CDK14: variants seen among roughly 807,000 people sequenced by gnomAD.
CDK14 encodes cyclin dependent kinase 14, also known as cyclin-dependent kinase 14.
A neutral mutation model predicts 60.7 loss-of-function variants in CDK14; 34 were observed. The observed-to-expected ratio is 0.56, with a 90% CI of 0.43 to 0.75. CDK14 has a LOEUF of 0.75. CDK14 is among the 30% of genes least tolerant of loss of function. The probability of loss-of-function intolerance (pLI) is 0.00; values close to 1 mark genes in which losing one functional copy is unlikely to be tolerated. For synonymous variants in CDK14, 197 were observed against 203.7 expected, an observed-to-expected ratio of 0.97 and a Z score of 0.28; for missense variants, 482 against 564.1, an observed-to-expected ratio of 0.85 and a Z score of 1.47.
At chr7:91,132,512 G>C (rs1800149749) in intron 14 of CDK14, among the ~76,000 whole-genome samples, 1 of 152,140 alleles carries the variant, frequency 6.6e-6, no homozygotes, top group Non-Finnish European at 1.5e-5. Context: ...TGACTTCCTG[G>C]TCACAGACAG....
chr7:90,940,737 G>T (rs574172777), intron 8 of CDK14, among the ~76,000 whole-genome samples: 2 of 152,068 alleles, frequency 1.3e-5, no homozygotes, highest in East Asian at 3.9e-4. Flanking sequence ...AGTGAGCTGT[G>T]ATTGTGCCAC....
At chr7:90,679,744 C>T (rs145437115) in intron 2 of CDK14, among the ~76,000 whole-genome samples, 49 of 152,284 alleles carry the variant, frequency 3.2e-4, no homozygotes, top group African/African-American at 1.2e-3. Flanking sequence ...CTTAGCAAAT[C>T]AATCAATTTT....
At chr7:90,949,009 G>A (rs1794177850) in intron 8 of CDK14, among the ~76,000 whole-genome samples, 1 of 151,984 alleles carries the variant, frequency 6.6e-6, no homozygotes, top group Non-Finnish European at 1.5e-5. Context: ...TTATTTCCCA[G>A]AAAACCATAT....
At chr7:90,600,916 C>T (rs1022431435) in intron 1 of CDK14, among the ~76,000 whole-genome samples, 3 of 152,228 alleles carry the variant, frequency 2.0e-5, no homozygotes, top group African/African-American at 7.2e-5. Flanking sequence ...AGATATTGTT[C>T]TGACAGTCAG....
At chr7:91,197,830 C>T (rs188208049) in intron 14 of CDK14, among the ~76,000 whole-genome samples, 1 of 152,248 alleles carries the variant, frequency 6.6e-6, no homozygotes, top group Admixed American at 6.5e-5. Context: ...GGTGGGATAA[C>T]TAGTATCAAA....
chr7:90,928,389 A>T (rs1218574508), intron 8 of CDK14, among the ~76,000 whole-genome samples: 1 of 152,152 alleles, frequency 6.6e-6, no homozygotes, highest in South Asian at 2.1e-4. Flanking sequence ...GGTGACGTAC[A>T]GATGGGGTTT....
At chr7:91,157,777 G>T (rs1002591885) in intron 14 of CDK14, among the ~76,000 whole-genome samples, 2 of 152,172 alleles carry the variant, frequency 1.3e-5, no homozygotes, top group African/African-American at 4.8e-5. Flanking sequence ...CTCATTTGCT[G>T]ACCTTGCAGG....
intron 11 of CDK14, among the ~76,000 whole-genome samples, chr7:91,061,711 A>G (rs1797795942): frequency 6.6e-6 from 1 of 152,226 alleles, no homozygotes; most frequent in African/African-American, 2.4e-5. Context: ...GCTGCAGAAC[A>G]GCGGATATTG....
chr7:90,974,149 A>G (rs950795380), intron 9 of CDK14, among the ~76,000 whole-genome samples: 4 of 152,120 alleles, frequency 2.6e-5, no homozygotes, highest in Admixed American at 1.3e-4. Context: ...TATTCACATA[A>G]CCATCTATAG....
At chr7:91,057,273 T>C (rs1562885897) in intron 11 of CDK14, among the ~76,000 whole-genome samples, 2 of 152,290 alleles carry the variant, frequency 1.3e-5, no homozygotes, top group Non-Finnish European at 1.5e-5. Context: ...TCTTGTAAAT[T>C]TGTTTGAGTT....
At chr7:91,066,248 G>A (rs993152219) in intron 11 of CDK14, among the ~76,000 whole-genome samples, 2 of 152,244 alleles carry the variant, frequency 1.3e-5, no homozygotes, top group African/African-American at 2.4e-5. Flanking sequence ...ACTAATGCTT[G>A]TTCCATGGTA....
intron 2 of CDK14, among the ~76,000 whole-genome samples, chr7:90,706,043 C>T (rs1473189505): frequency 6.6e-6 from 1 of 152,110 alleles, no homozygotes; most frequent in Non-Finnish European, 1.5e-5. Flanking sequence ...CAAAAATGAC[C>T]TAGTAGATGT....
chr7:90,598,705 T>TTTGTTG (rs371926896), intron 1 of CDK14, among the ~76,000 whole-genome samples: 3 of 5,256 alleles, frequency 5.7e-4, no homozygotes, highest in African/African-American at 3.2e-3. Context: ...TATCTAAGGA[T>TTTGTTG]TTTTTTTTTT....
chr7:91,158,169 T>G (rs1247992051), intron 14 of CDK14, among the ~76,000 whole-genome samples: 1 of 148,164 alleles, frequency 6.7e-6, no homozygotes, highest in Non-Finnish European at 1.5e-5. Context: ...AAATATATTA[T>G]ACATTAAATA....
intron 12 of CDK14, among the ~76,000 whole-genome samples, chr7:91,096,073 A>AAAAAAAAT (rs1798979630): frequency 6.7e-6 from 1 of 149,892 alleles, no homozygotes; most frequent in African/African-American, 2.4e-5. Context: ...GCCAAAAAAA[A>AAAAAAAAT]AAAAAAAAAA....
chr7:90,617,707 A>G (rs1451092751), intron 2 of CDK14, among the ~76,000 whole-genome samples: 7 of 152,190 alleles, frequency 4.6e-5, no homozygotes, highest in Admixed American at 4.6e-4. Flanking sequence ...GGTTACGTTA[A>G]AACTAAGCTT....
At chr7:91,188,312 G>C (rs938784540) in intron 14 of CDK14, among the ~76,000 whole-genome samples, 1 of 152,070 alleles carries the variant, frequency 6.6e-6, no homozygotes, top group African/African-American at 2.4e-5. Context: ...CATGAACATT[G>C]TAATGAAATG....
At chr7:91,082,395 G>A (rs918088986) in intron 12 of CDK14, among the ~76,000 whole-genome samples, 4 of 152,192 alleles carry the variant, frequency 2.6e-5, no homozygotes, top group Non-Finnish European at 5.9e-5. Context: ...CTACAGACTT[G>A]AATAGGCACA....
chr7:91,196,726 C>CA (rs553386707), intron 14 of CDK14, among the ~76,000 whole-genome samples: 1 of 152,218 alleles, frequency 6.6e-6, no homozygotes, highest in African/African-American at 2.4e-5. Flanking sequence ...GTGACTTCAA[C>CA]AAAAAACAGA....
Sources: allele counts gnomAD v4.1 joint callset (sites outside exome capture counted in the v4.1 genomes callset), GRCh38; gene constraint gnomAD v4.1.1; transcripts MANE v1.5; gene names NCBI Gene and HGNC (gene_info 2026-07-23, HGNC 2026-07-21).